DCLK1: variants seen among roughly 807,000 people sequenced by gnomAD.
DCLK1 encodes serine/threonine-protein kinase DCLK1.
DCLK1 carries 16 observed loss-of-function variants against 86.2 expected under a neutral mutation model. The observed-to-expected ratio is 0.19, with a 90% CI of 0.13 to 0.28. DCLK1 has a LOEUF of 0.28. Ranked by LOEUF, DCLK1 falls within the 10% of genes least tolerant of loss-of-function variation. The probability of loss-of-function intolerance (pLI) is 1.00; values close to 1 mark genes in which losing one functional copy is unlikely to be tolerated. For missense variants in DCLK1, 590 were observed against 940.2 expected (o/e 0.63, Z 4.87); for synonymous variants, 369 against 370.5 (o/e 1.00, Z 0.05).
chr13:35,905,550 C>A (rs941602210), intron 4 of DCLK1, among the ~76,000 whole-genome samples: 1 of 152,182 alleles, frequency 6.6e-6, no homozygotes, highest in Non-Finnish European at 1.5e-5. Context: ...AGACAGCAAG[C>A]CACAACTCTG....
At chr13:35,875,990 C>T (rs1191285944) in intron 4 of DCLK1, among the ~76,000 whole-genome samples, 2 of 152,134 alleles carry the variant, frequency 1.3e-5, no homozygotes, top group Non-Finnish European at 2.9e-5. Flanking sequence ...GCAAGCTGTT[C>T]CATGGTGACG....
intron 4 of DCLK1, among the ~76,000 whole-genome samples, chr13:35,891,968 C>G (rs1873672983): frequency 6.6e-6 from 1 of 151,998 alleles, no homozygotes; most frequent in Non-Finnish European, 1.5e-5. Flanking sequence ...AATCTTACCG[C>G]AATGCAGATG....
At chr13:36,043,381 T>A (rs1405338928) in intron 3 of DCLK1, among the ~76,000 whole-genome samples, 3 of 151,154 alleles carry the variant, frequency 2.0e-5, no homozygotes, top group Non-Finnish European at 1.5e-5. Context: ...CAGAAAAAAA[T>A]TAAGACATAG....
intron 3 of DCLK1, among the ~76,000 whole-genome samples, chr13:35,972,265 G>A (rs532653998): frequency 1.6e-3 from 244 of 152,064 alleles, no homozygotes; most frequent in African/African-American, 5.5e-3. Flanking sequence ...TTGACAGGTA[G>A]CCTTTATTTT....
At chr13:35,864,247 T>C (rs17786285) in intron 5 of DCLK1, among the ~76,000 whole-genome samples, 32,415 of 151,288 alleles carry the variant, frequency 0.21, 3,921 homozygotes, top group Admixed American at 0.32. Context: ...AGATTCTAAA[T>C]ACAGGGTATC....
At chr13:35,775,633 A>G (rs1566525254) in intron 16 of DCLK1, among the ~76,000 whole-genome samples, 1 of 152,202 alleles carries the variant, frequency 6.6e-6, no homozygotes. Flanking sequence ...AAAATATAGA[A>G]CACATATAAA....
chr13:35,893,069 G>T (rs1337950319), intron 4 of DCLK1, among the ~76,000 whole-genome samples: 2 of 152,192 alleles, frequency 1.3e-5, no homozygotes, highest in African/African-American at 4.8e-5. Context: ...GTGGTGCCTG[G>T]ACACATAGGC....
At chr13:35,957,644 G>A (rs1878067899) in intron 3 of DCLK1, among the ~76,000 whole-genome samples, 1 of 152,234 alleles carries the variant, frequency 6.6e-6, no homozygotes, top group East Asian at 1.9e-4. Context: ...CTGGCTTGCT[G>A]CCTGAGATTG....
chr13:35,822,018 A>G (rs958943878), intron 11 of DCLK1, among the ~76,000 whole-genome samples: 2 of 152,046 alleles, frequency 1.3e-5, no homozygotes, highest in Non-Finnish European at 2.9e-5. Flanking sequence ...AAAACCAATT[A>G]TAATTTTTTT....
intron 3 of DCLK1, among the ~76,000 whole-genome samples, chr13:36,092,139 C>T (rs73182153): frequency 0.16 from 24,685 of 152,114 alleles, 2,227 homozygotes; most frequent in Non-Finnish European, 0.21. Flanking sequence ...TGACCATATA[C>T]AACTCCAAAT....
intron 11 of DCLK1, among the ~76,000 whole-genome samples, chr13:35,814,271 A>G (rs1038522559): frequency 6.6e-6 from 1 of 152,206 alleles, no homozygotes; most frequent in Admixed American, 6.5e-5. Context: ...GCGCGCACAC[A>G]CGCACACACA....
chr13:35,795,649 G>A (rs367846581), intron 15 of DCLK1, among the ~76,000 whole-genome samples: 124 of 152,228 alleles, frequency 8.1e-4, no homozygotes, highest in East Asian at 8.1e-3. Flanking sequence ...GGCCAAATGC[G>A]GTGGCTCACA....
At chr13:35,982,031 T>C (rs1879669123) in intron 3 of DCLK1, among the ~76,000 whole-genome samples, 1 of 152,182 alleles carries the variant, frequency 6.6e-6, no homozygotes, top group Admixed American at 6.5e-5. Flanking sequence ...TTTTAAACTC[T>C]TCCCAAGGCT....
At position 35,822,875 on chromosome 13, in the gene DCLK1, C is replaced by G. The variant is rs2087428490; in HGVS notation, c.1408G>C (p.Gly470Arg). The G allele has an allele frequency of 1.9e-6, 3 of 1,613,632 alleles. No individual in the cohort carries two copies. Among genetic ancestry groups the G allele is most frequent in the Non-Finnish European group, 2.5e-6 (3 of 1,179,946 alleles). The change falls in exon 11 of 17, where the codon GGG becomes CGG. Residue 470 changes from glycine (G) to arginine (R), a missense_variant and splice_region_variant. Physicochemically the swap from Gly to Arg is moderately radical, Grantham distance 125. This residue lies in a region of DCLK1 where 108 missense variants were observed against 195.7 expected (regional missense o/e 0.55). Coordinates refer to ENST00000360631, the MANE Select transcript of DCLK1 (RefSeq NM_001330071.2). ...ELYLVMELVK[G>R]GDLFDAITST... ...GTAATGGCATCAAAAAGGTCTCCCC[C>G]CTGAGAAGAGAACAGAAGCTGAAGC...
At chr13:35,984,525 T>C (rs548058479) in intron 3 of DCLK1, among the ~76,000 whole-genome samples, 1 of 152,236 alleles carries the variant, frequency 6.6e-6, no homozygotes, top group Admixed American at 6.5e-5. Context: ...ACTATCAACT[T>C]TGGAGTTACA....
At chr13:35,851,431 G>C (rs1263149764) in intron 6 of DCLK1, among the ~76,000 whole-genome samples, 2 of 151,116 alleles carry the variant, frequency 1.3e-5, no homozygotes, top group East Asian at 3.9e-4. Context: ...CAGGCAACCA[G>C]CTCAGATCTG....
intron 15 of DCLK1, among the ~76,000 whole-genome samples, chr13:35,799,377 A>G (rs12865900): frequency 0.17 from 25,116 of 151,920 alleles, 3,193 homozygotes; most frequent in African/African-American, 0.35. Context: ...TCAGCCTCCC[A>G]AGTAGCTGGG....
At chr13:36,024,939 T>C (rs1345560989) in intron 3 of DCLK1, among the ~76,000 whole-genome samples, 3 of 151,734 alleles carry the variant, frequency 2.0e-5, no homozygotes, top group Admixed American at 1.3e-4. Context: ...TATACATTTA[T>C]GGTCAACTGA....
At chr13:35,957,704 T>C (rs927288594) in intron 3 of DCLK1, among the ~76,000 whole-genome samples, 2 of 152,148 alleles carry the variant, frequency 1.3e-5, no homozygotes, top group African/African-American at 4.8e-5. Context: ...GCCAGGAACA[T>C]TTGTAAAGGT....
Sources: gnomAD v4.1 joint callset for allele counts (sites outside exome capture counted in the v4.1 genomes callset) on GRCh38, gnomAD v4.1.1 for gene constraint, gnomAD v4.1.1 regional missense constraint, MANE v1.5 for transcripts, NCBI Gene and HGNC (gene_info 2026-07-23, HGNC 2026-07-21) for gene names.